TPD52: variants seen among roughly 807,000 people sequenced by gnomAD.
The protein encoded by TPD52 is tumor protein D52.
In TPD52, 17 loss-of-function variants were observed where a neutral mutation model predicts 31.3. That is an observed-to-expected ratio of 0.54 (90% CI 0.37 to 0.82). TPD52 has a LOEUF of 0.82. Among genes scored for constraint, TPD52 ranks in the 40% least tolerant of loss-of-function variants. The pLI, the probability that TPD52 is intolerant of heterozygous loss-of-function variation, is 0.00. For missense variants in TPD52, 212 were observed against 240.1 expected (o/e 0.88, Z 0.77); for synonymous variants, 83 against 89.6 (o/e 0.93, Z 0.42).
chr8:80,111,977 G>C (rs1807528088), intron 1 of TPD52, among the ~76,000 whole-genome samples: 1 of 152,234 alleles, frequency 6.6e-6, no homozygotes, highest in Non-Finnish European at 1.5e-5. Context: ...ACCATTGTAT[G>C]TGTGAAATCA....
intron 1 of TPD52, among the ~76,000 whole-genome samples, chr8:80,160,768 G>A (rs1019208641): frequency 1.3e-5 from 2 of 151,882 alleles, no homozygotes; most frequent in South Asian, 2.1e-4. Flanking sequence ...GGCTGGACAC[G>A]GGCGGTGGCT....
intron 1 of TPD52, among the ~76,000 whole-genome samples, chr8:80,136,180 TA>T (rs1217409264): frequency 4.0e-4 from 51 of 127,642 alleles, no homozygotes; most frequent in Middle Eastern, 4.3e-3. Context: ...TCTTTGAGGT[TA>T]AAAAAAAAAC....
Position 80,081,189 on chromosome 8 carries a change from G to A in TPD52, c.20-16596C>T, listed in dbSNP as rs573274658. On this transcript the variant is annotated intron_variant, in intron 1 of 7. Coordinates refer to ENST00000518937, the MANE Select transcript of TPD52 (RefSeq NM_001025253.3). ...TTTTTTTTTTTTTTTTAGAAAGCTG[G>A]TGCTTCAGTTACATGCACTCAAAGG... 2.3e-5 allele frequency among the ~76,000 whole-genome samples: 3 copies of A among 132,232 alleles called. No homozygotes were observed. In the South Asian group the frequency reaches 6.9e-4, roughly 31 times the overall value. The allele number at this position is 132,232 out of a possible 152,430, so 86.7% of individuals were successfully genotyped here. A position where few individuals can be genotyped will look rare whatever the true frequency, so the allele number is the denominator to read the frequency against.
intron 2 of TPD52, among the ~76,000 whole-genome samples, chr8:80,056,701 G>A (rs1009682091): frequency 6.6e-6 from 1 of 152,082 alleles, no homozygotes; most frequent in Non-Finnish European, 1.5e-5. Flanking sequence ...AAAAAACAGA[G>A]ATTAATAAGT....
At chr8:80,110,130 A>C (rs1807402207) in intron 1 of TPD52, among the ~76,000 whole-genome samples, 1 of 152,210 alleles carries the variant, frequency 6.6e-6, no homozygotes, top group South Asian at 2.1e-4. Context: ...CAGAGACCGA[A>C]TTTATGATTT....
chr8:80,052,686 G>C (rs1482777858), intron 3 of TPD52: 2 of 1,288,930 alleles, frequency 1.6e-6, no homozygotes, highest in Admixed American at 4.6e-5. Context: ...CTTGTGCCGG[G>C]AAACAAAACT....
intron 1 of TPD52, among the ~76,000 whole-genome samples, chr8:80,143,832 C>T (rs1043603346): frequency 6.6e-6 from 1 of 152,134 alleles, no homozygotes; most frequent in African/African-American, 2.4e-5. Context: ...TACATTCCAC[C>T]ATATTAAACA....
intron 1 of TPD52, among the ~76,000 whole-genome samples, chr8:80,169,746 T>C (rs945998360): frequency 1.8e-4 from 27 of 152,308 alleles, no homozygotes; most frequent in African/African-American, 4.8e-4. Flanking sequence ...GTCGCCCCCA[T>C]TGAAAGCCAG....
At chr8:80,125,257 G>A (rs530681904) in intron 1 of TPD52, among the ~76,000 whole-genome samples, 1 of 152,324 alleles carries the variant, frequency 6.6e-6, no homozygotes, top group African/African-American at 2.4e-5. Flanking sequence ...GACTGCTTAA[G>A]GCCAGTAGTT....
chr8:80,110,644 T>C (rs1451055616), intron 1 of TPD52, among the ~76,000 whole-genome samples: 3 of 150,990 alleles, frequency 2.0e-5, no homozygotes. Flanking sequence ...GAGAGTCCAT[T>C]AGACTAGGGT....
chr8:80,154,547 A>G (rs1391615156), intron 1 of TPD52, among the ~76,000 whole-genome samples: 1 of 152,124 alleles, frequency 6.6e-6, no homozygotes, highest in African/African-American at 2.4e-5. Context: ...AAATTATGAC[A>G]CCTTTGAATC....
intron 1 of TPD52, among the ~76,000 whole-genome samples, chr8:80,100,514 C>G (rs1367366341): frequency 6.6e-6 from 1 of 152,196 alleles, no homozygotes; most frequent in Non-Finnish European, 1.5e-5. Flanking sequence ...CAGGTTCATA[C>G]TGGCTGCTGG....
At chr8:80,058,070 CTATTACTAT>C (rs1563579567) in intron 2 of TPD52, among the ~76,000 whole-genome samples, 4 of 152,116 alleles carry the variant, frequency 2.6e-5, no homozygotes, top group Middle Eastern at 3.4e-3. Context: ...ACATTAGGTG[CTATTACTAT>C]TATTTTTATT....
At chr8:80,139,174 C>G (rs1167820746) in intron 1 of TPD52, among the ~76,000 whole-genome samples, 3 of 152,190 alleles carry the variant, frequency 2.0e-5, no homozygotes, top group Admixed American at 1.3e-4. Flanking sequence ...CTGCCTAAGA[C>G]ACTGGCAGGG....
chr8:80,155,973 C>T (rs1402874540), intron 1 of TPD52, among the ~76,000 whole-genome samples: 2 of 151,942 alleles, frequency 1.3e-5, no homozygotes, highest in Non-Finnish European at 2.9e-5. Flanking sequence ...GGGGGTACAT[C>T]ATATTTAAGG....
At chr8:80,043,170 A>G (rs1223508509) in intron 6 of TPD52, among the ~76,000 whole-genome samples, 2 of 152,190 alleles carry the variant, frequency 1.3e-5, no homozygotes, top group Admixed American at 6.5e-5. Context: ...TAGACTGGGA[A>G]AGCAGGGACC....
chr8:80,114,075 T>C (rs965961959), intron 1 of TPD52, among the ~76,000 whole-genome samples: 4 of 152,012 alleles, frequency 2.6e-5, no homozygotes, highest in African/African-American at 9.7e-5. Flanking sequence ...TAAAACCCCG[T>C]CTCTACCAAA....
chr8:80,061,412 C>T (rs1358147447), intron 2 of TPD52, among the ~76,000 whole-genome samples: 1 of 105,860 alleles, frequency 9.4e-6, no homozygotes, highest in Non-Finnish European at 1.8e-5. Context: ...ACAAAAAAAT[C>T]TATTCAAGAG....
At chr8:80,053,704 T>C (rs928436523) in intron 2 of TPD52, among the ~76,000 whole-genome samples, 7 of 152,122 alleles carry the variant, frequency 4.6e-5, no homozygotes, top group African/African-American at 1.7e-4. Context: ...CTTACTCAGC[T>C]ATCTCATGTA....
Sources: gnomAD v4.1 joint callset for allele counts (sites outside exome capture counted in the v4.1 genomes callset) on GRCh38, gnomAD v4.1.1 for gene constraint, MANE v1.5 for transcripts, NCBI Gene and HGNC (gene_info 2026-07-23, HGNC 2026-07-21) for gene names.